PIEZO1: variants seen among roughly 807,000 people sequenced by gnomAD.
The protein encoded by PIEZO1 is piezo-type mechanosensitive ion channel component 1.
Under a neutral mutation model 297.2 loss-of-function variants are expected in PIEZO1, and 296 were observed. The ratio of observed to expected loss-of-function variants is 1.00; its 90% confidence interval spans 0.91 to 1.10. The LOEUF is 1.10. Ranked by LOEUF, PIEZO1 falls within the 50% of genes least tolerant of loss-of-function variation. The pLI, the probability that PIEZO1 is intolerant of heterozygous loss-of-function variation, is 0.00. For synonymous variants in PIEZO1, 2,427 were observed against 1,507.5 expected (o/e 1.61, Z -14.13); for missense variants, 5,018 against 3,455.5 (o/e 1.45, Z -11.34).
intron 30 of PIEZO1, 72 bp from the exon 31 acceptor site, chr16:88,724,043 T>C: frequency 8.6e-6 from 8 of 934,838 alleles, no homozygotes; most frequent in Non-Finnish European, 1.2e-5. Context: ...TCCGCCTGCA[T>C]GGGCCAAGGC....
At position 88,720,290 on chromosome 16, in the gene PIEZO1, C is replaced by A. The variant is rs1331274591; in HGVS notation, c.5950-7G>T. On this transcript the variant is annotated splice_polypyrimidine_tract_variant and splice_region_variant and intron_variant, in intron 41 of 50. Transcript: ENST00000301015. The stretch of plus-strand genomic sequence containing the variant: ...CTGTGGCCGCCGAGTGCTTCTGTGG[C>A]CAGGAGAGCACAGGTCAGGGGGAGC... The A allele has an allele frequency of 6.5e-7, 1 of 1,550,168 alleles. No individual in the cohort carries two copies. Among genetic ancestry groups the A allele is most frequent in the Non-Finnish European group, 8.7e-7 (1 of 1,146,940 alleles).
chr16:88,723,389 C>T lies in PIEZO1; in HGVS notation c.4336-61G>A, dbSNP rs1904298476. On this transcript the variant is annotated intron_variant, in intron 31 of 50. Transcript: ENST00000301015. ...CGAGCCATCAGACCCAGGCGGGAAG[C>T]TGGGGTTGGGCAAGCCGGGCGCCAG... The T allele has an allele frequency of 1.8e-5, 27 of 1,527,246 alleles. No individual in the cohort carries two copies. The South Asian group carries it at 3.0e-4, about 17-fold the overall frequency. The allele number at this position is 1,527,246 out of a possible 1,614,324, so 94.6% of individuals were successfully genotyped here.
Position 88,715,780 on chromosome 16 carries a change from T to C in PIEZO1, c.7391A>G (p.His2464Arg), listed in dbSNP as rs1302534959. ...CGGCAGCTCCTCGAACATAATGGAG[T>C]GCGAGATCTCGCTGAAGAATCCGCG... is the stretch of plus-strand genomic sequence containing the variant. ...FVRGFFSEIS[H>R]SIMFEELPCV... Residue 2464 changes from histidine to arginine, a missense_variant, in exon 51 of 51, where the codon CAC becomes CGC. Physicochemically the swap from His to Arg is conservative, Grantham distance 29. Transcript: ENST00000301015. 87 of 1,550,152 alleles carry C rather than the reference T, an allele frequency of 5.6e-5. No homozygotes were observed. Among genetic ancestry groups the C allele is most frequent in the Non-Finnish European group, 6.6e-5 (76 of 1,146,932 alleles).
At position 88,725,012 on chromosome 16, in the gene PIEZO1, T is replaced by C; in HGVS notation, c.4231A>G (p.Thr1411Ala). ...QWWRPWLDHA[T>A]VIHSGDYFLF... The stretch of plus-strand genomic sequence containing the variant: ...CAGGCGGCCTAATTGGGGGTACCTG[T>C]GGCGTGGTCCAGCCAGGGCCGCCAC... The change falls in exon 30 of 51, where the codon ACA (threonine) becomes GCA (alanine). Residue 1411 changes from threonine (T) to alanine (A), a missense_variant. Coordinates refer to ENST00000301015, the MANE Select transcript of PIEZO1 (RefSeq NM_001142864.4). 3 of 1,483,870 alleles carry C rather than the reference T, an allele frequency of 2.0e-6. No homozygotes were observed. The highest frequency in any genetic ancestry group is 2.7e-6 in the Non-Finnish European group (3 of 1,117,478). 91.9% of individuals were successfully genotyped at this position (1,483,870 alleles called of 1,614,324 possible). A position where few individuals can be genotyped will look rare whatever the true frequency, so the allele number is the denominator to read the frequency against.
rs2290899 is a variant in PIEZO1, at chr16:88,721,329, C to A, written c.5505G>T (p.Ala1835=). Residue 1835 remains alanine, a synonymous_variant, in exon 39 of 51, where the codon GCG becomes GCT. Transcript: ENST00000301015. Reference sequence around the variant, plus strand: ...CCTGAATGTGGTCTTCGGTGGTGGCCGCAGGCACCCCTGGCCCCTCCTCGG... The same window carrying A: ...CCTGAATGTGGTCTTCGGTGGTGGCAGCAGGCACCCCTGGCCCCTCCTCGG... ...QGAEEGPGVP[A]ATTEDHIQVE... The A allele has an allele frequency of 6.5e-7, 1 of 1,546,926 alleles. No homozygotes were observed. The highest frequency in any genetic ancestry group is 8.7e-7 in the Non-Finnish European group (1 of 1,146,688).
chr16:88,722,050 C>G lies in PIEZO1; in HGVS notation c.4972G>C (p.Glu1658Gln). The change falls in exon 37 of 51, where the codon GAG becomes CAG. Residue 1658 changes from glutamate (E) to glutamine (Q), a missense_variant. Transcript: ENST00000301015. ...LLLDRRLRIP[E>Q]LEEAELFAEG... ...GCAAACAGCTCTGCCTCCTCCAGCT[C>G]TGGGATGCGCAGGCGCCTACAGGGA... is the stretch of plus-strand genomic sequence containing the variant. 6.5e-7 allele frequency: 1 copy of G among 1,546,778 alleles called. No homozygotes were observed. The highest frequency in any genetic ancestry group is 8.7e-7 in the Non-Finnish European group (1 of 1,145,884).
At chr16:88,730,196 A>G (rs1313751709) in intron 22 of PIEZO1, among the ~76,000 whole-genome samples, 5 of 152,254 alleles carry the variant, frequency 3.3e-5, no homozygotes, top group Admixed American at 3.3e-4. Flanking sequence ...CGGGCTCTAA[A>G]CCTCACGCTC....
chr16:88,717,601 C>G (rs1346912798), intron 44 of PIEZO1: 7 of 466,000 alleles, frequency 1.5e-5, no homozygotes, highest in Non-Finnish European at 3.0e-5. Context: ...AGAAAACGGG[C>G]AAATCTTCAT....
intron 5 of PIEZO1, chr16:88,740,010 G>C (rs1206188497): frequency 6.9e-6 from 1 of 145,704 alleles, no homozygotes; most frequent in Non-Finnish European, 1.6e-5. Flanking sequence ...CCGAGGGGCA[G>C]GCCCGGCCCT....
In PIEZO1 at chr16:88,732,347, T is replaced by G; in HGVS notation, c.2979A>C (p.Lys993Asn). The G allele has an allele frequency of 6.5e-7, 1 of 1,549,374 alleles. No homozygotes were observed. Among genetic ancestry groups the G allele is most frequent in the Non-Finnish European group, 8.7e-7 (1 of 1,146,260 alleles). Residue 993 changes from lysine to asparagine, a missense_variant, in exon 21 of 51, where the codon AAA (lysine) becomes AAC (asparagine). By Grantham distance (94) the Lys-to-Asn change is moderately conservative. Transcript: ENST00000301015. ...GTCCTTGCCTCACCTCCAGCCCGAA[T>G]TTGTAGAAGAAGAAGTTGATGAAGT... Reference protein sequence around the residue: ...LKYFINFFFYKFGLEICFLMA... With the variant: ...LKYFINFFFYNFGLEICFLMA...
chr16:88,718,146 A>G (rs575927513), intron 44 of PIEZO1: 12 of 185,166 alleles, frequency 6.5e-5, no homozygotes, highest in Admixed American at 1.2e-4. Context: ...GGCCAAGCAC[A>G]TGAAAAGACG....
intron 22 of PIEZO1, chr16:88,731,362 G>A: frequency 3.4e-6 from 1 of 294,104 alleles, no homozygotes; most frequent in Non-Finnish European, 6.5e-6. Context: ...GCTCGAGGCA[G>A]CACTTGGGTG....
Position 88,749,489 on chromosome 16 carries a change from G to A in PIEZO1, c.65-10C>T. The A allele has an allele frequency of 6.6e-7, 1 of 1,522,856 alleles. No homozygotes were observed. The highest frequency in any genetic ancestry group is 1.4e-5 in the African/African-American group (1 of 72,300). The allele number at this position is 1,522,856 out of a possible 1,614,324, so 94.3% of individuals were successfully genotyped here. ...AAGCGGAGCAGGCAGGCTGCGGGGA[G>A]ATGGGCGTTAACTAGGTCGCCAACA... On this transcript the variant is annotated splice_polypyrimidine_tract_variant and intron_variant, in intron 1 of 50. Coordinates refer to ENST00000301015, the MANE Select transcript of PIEZO1 (RefSeq NM_001142864.4).
At chr16:88,775,654 G>C (rs1366251878) in intron 1 of PIEZO1, among the ~76,000 whole-genome samples, 1 of 151,636 alleles carries the variant, frequency 6.6e-6, no homozygotes, top group Non-Finnish European at 1.5e-5. Context: ...GGTTGAACCA[G>C]GGAGGCGGAG....
intron 1 of PIEZO1, among the ~76,000 whole-genome samples, chr16:88,761,785 T>G (rs999078466): frequency 2.7e-5 from 4 of 150,712 alleles, no homozygotes; most frequent in Admixed American, 6.6e-5. Flanking sequence ...GGCCTGTCCT[T>G]CCCCACAGAC....
At chr16:88,753,748 T>C (rs1906515942) in intron 1 of PIEZO1, among the ~76,000 whole-genome samples, 1 of 152,240 alleles carries the variant, frequency 6.6e-6, no homozygotes, top group African/African-American at 2.4e-5. Context: ...TGTGTTGATG[T>C]GGCCTCAGCT....
chr16:88,753,707 T>C (rs1033940167), intron 1 of PIEZO1, among the ~76,000 whole-genome samples: 1 of 152,192 alleles, frequency 6.6e-6, no homozygotes, highest in Admixed American at 6.5e-5. Context: ...ACCTGTGCTG[T>C]CTATGCAGCC....
At chr16:88,719,548 C>T (rs1437968044) in intron 44 of PIEZO1, 26 bp downstream of exon 44, 11 of 1,547,016 alleles carry the variant, frequency 7.1e-6, no homozygotes, top group Non-Finnish European at 9.6e-6. Context: ...GGCCCTTGTC[C>T]CGGCCCCCGC....
intron 30 of PIEZO1, 102 bp downstream of exon 30, chr16:88,724,907 G>T (rs1904322543): frequency 5.3e-6 from 4 of 750,320 alleles, no homozygotes; most frequent in Admixed American, 7.9e-5. Flanking sequence ...CTCAGGGCCT[G>T]GGAGTCGGGG....
Sources: allele counts gnomAD v4.1 joint callset (sites outside exome capture counted in the v4.1 genomes callset), GRCh38; gene constraint gnomAD v4.1.1; transcripts MANE v1.5; gene names NCBI Gene and HGNC (gene_info 2026-07-23, HGNC 2026-07-21).